The following IMMP2L variants were observed in gnomAD, a reference collection of about 807,000 sequenced individuals.
IMMP2L encodes mitochondrial inner membrane protease subunit 2.
Under a neutral mutation model 19.3 loss-of-function variants are expected in IMMP2L, and 18 were observed. The ratio of observed to expected loss-of-function variants is 0.93; its 90% confidence interval spans 0.64 to 1.38. The LOEUF is 1.38. Among genes scored for constraint, IMMP2L ranks in the 40% most tolerant of loss-of-function variants. The pLI, the probability that IMMP2L is intolerant of heterozygous loss-of-function variation, is 0.00. For synonymous variants in IMMP2L, 76 were observed against 73.0 expected, an observed-to-expected ratio of 1.04 and a Z score of -0.21; for missense variants, 233 against 218.2, an observed-to-expected ratio of 1.07 and a Z score of -0.43.
chr7:110,703,795 C>T (rs931773826), intron 5 of IMMP2L, among the ~76,000 whole-genome samples: 4 of 151,732 alleles, frequency 2.6e-5, no homozygotes, highest in South Asian at 2.1e-4. Flanking sequence ...CAAAATCTTA[C>T]GGAATTGTAA....
intron 4 of IMMP2L, among the ~76,000 whole-genome samples, chr7:110,915,015 T>C (rs1563077356): frequency 3.3e-5 from 5 of 150,550 alleles, no homozygotes; most frequent in Admixed American, 6.7e-5. Context: ...ACTGGTATTA[T>C]GGAGAACAGA....
intron 5 of IMMP2L, among the ~76,000 whole-genome samples, chr7:110,863,978 A>G (rs1807721078): frequency 6.6e-6 from 1 of 152,102 alleles, no homozygotes; most frequent in African/African-American, 2.4e-5. Flanking sequence ...AAGGATGCAT[A>G]ACATACTTAC....
intron 2 of IMMP2L, among the ~76,000 whole-genome samples, chr7:111,496,947 C>A (rs1255810997): frequency 1.3e-5 from 2 of 152,030 alleles, no homozygotes; most frequent in Non-Finnish European, 1.5e-5. Context: ...GATAAATATC[C>A]TATTCGTTCT....
At chr7:110,897,159 AT>A (rs1401364125) in intron 4 of IMMP2L, among the ~76,000 whole-genome samples, 3 of 152,186 alleles carry the variant, frequency 2.0e-5, no homozygotes. Context: ...ATGCTGTAAA[AT>A]AACATACGAA....
chr7:110,721,131 T>C (rs910314327), intron 5 of IMMP2L, among the ~76,000 whole-genome samples: 14 of 151,998 alleles, frequency 9.2e-5, no homozygotes, highest in Non-Finnish European at 1.3e-4. Context: ...TCTAGTATCA[T>C]CACTGAGAGT....
intron 3 of IMMP2L, among the ~76,000 whole-genome samples, chr7:111,399,503 C>T (rs1375315326): frequency 1.3e-5 from 2 of 151,928 alleles, no homozygotes; most frequent in Non-Finnish European, 1.5e-5. Flanking sequence ...TACAGGCATG[C>T]ACCACCATGC....
chr7:111,536,565 C>T (rs1023621286), intron 1 of IMMP2L, among the ~76,000 whole-genome samples: 11 of 152,104 alleles, frequency 7.2e-5, no homozygotes, highest in Non-Finnish European at 1.6e-4. Flanking sequence ...CCTCAGCCTC[C>T]GGAAGTGCTG....
chr7:111,177,451 G>T (rs147033862), intron 3 of IMMP2L, among the ~76,000 whole-genome samples: 84 of 152,164 alleles, frequency 5.5e-4, no homozygotes, highest in Admixed American at 4.4e-3. Flanking sequence ...AAAGTGTTAT[G>T]ATTACAGGCA....
At chr7:110,902,076 A>C (rs1478880374) in intron 4 of IMMP2L, among the ~76,000 whole-genome samples, 1 of 152,106 alleles carries the variant, frequency 6.6e-6, no homozygotes, top group Non-Finnish European at 1.5e-5. Context: ...GAATTCTATC[A>C]AGTCAACTCA....
At chr7:110,809,299 T>C (rs1801857162) in intron 5 of IMMP2L, among the ~76,000 whole-genome samples, 1 of 151,968 alleles carries the variant, frequency 6.6e-6, no homozygotes, top group African/African-American at 2.4e-5. Context: ...TAAAAACAAA[T>C]ACTCTTAGAC....
intron 5 of IMMP2L, among the ~76,000 whole-genome samples, chr7:110,688,174 G>C (rs1793249214): frequency 1.3e-5 from 2 of 151,904 alleles, no homozygotes. Flanking sequence ...CATGTGAATT[G>C]GACACAAACC....
At chr7:111,539,196 G>GAAGGAAGGAAGGAGAAAGAA (rs1848235484) in intron 1 of IMMP2L, among the ~76,000 whole-genome samples, 3 of 30,062 alleles carry the variant, frequency 1.0e-4, no homozygotes, top group African/African-American at 3.3e-4. Context: ...AGGAAGGAGG[G>GAAGGAAGGAAGGAGAAAGAA]AGAAAGAAAG....
At chr7:111,185,896 G>T (rs1020541751) in intron 3 of IMMP2L, among the ~76,000 whole-genome samples, 1 of 152,036 alleles carries the variant, frequency 6.6e-6, no homozygotes, top group Admixed American at 6.6e-5. Context: ...ACAGAAATCT[G>T]ATTTATTTTC....
intron 5 of IMMP2L, among the ~76,000 whole-genome samples, chr7:110,772,296 G>C (rs999408174): frequency 1.3e-5 from 2 of 152,148 alleles, no homozygotes; most frequent in African/African-American, 4.8e-5. Context: ...ACATCTGTGG[G>C]TAATGCCGAG....
intron 3 of IMMP2L, among the ~76,000 whole-genome samples, chr7:110,974,724 T>C (rs1173866056): frequency 6.6e-6 from 1 of 152,150 alleles, no homozygotes; most frequent in African/African-American, 2.4e-5. Flanking sequence ...CCAAGAAATG[T>C]TCCAGGTCTT....
chr7:111,125,263 C>T lies in IMMP2L; in HGVS notation c.240-161698G>A, dbSNP rs1326798448. 34 of 182,390 alleles carry T rather than the reference C, an allele frequency of 1.9e-4. No homozygotes were observed. In the Admixed American group the frequency reaches 2.0e-3, roughly 11 times the overall value. 11.3% of individuals were successfully genotyped at this position (182,390 alleles called of 1,614,324 possible). On this transcript the variant is annotated intron_variant, in intron 3 of 5. Coordinates refer to ENST00000405709, the MANE Select transcript of IMMP2L (RefSeq NM_032549.4). ...CAATACCTCCTCCTGTGTTGTATTA[C>T]ACATATTAGCCACGAGTTTTTGCAG...
chr7:111,441,305 T>C (rs2131790769), intron 3 of IMMP2L, among the ~76,000 whole-genome samples: 1 of 152,056 alleles, frequency 6.6e-6, no homozygotes, highest in South Asian at 2.1e-4. Flanking sequence ...TTTCTAGCTT[T>C]TGATTTAAAG....
chr7:110,884,813 A>T (rs1810045424), intron 5 of IMMP2L, among the ~76,000 whole-genome samples: 1 of 152,086 alleles, frequency 6.6e-6, no homozygotes, highest in African/African-American at 2.4e-5. Flanking sequence ...TTACTATTCA[A>T]AAGCAAGAGA....
intron 3 of IMMP2L, among the ~76,000 whole-genome samples, chr7:111,233,093 C>T (rs893357759): frequency 6.6e-5 from 10 of 152,140 alleles, no homozygotes; most frequent in Admixed American, 2.0e-4. Context: ...CTGAACCTAA[C>T]TCATCTTAGA....
Sources: gnomAD v4.1 joint callset for allele counts (sites outside exome capture counted in the v4.1 genomes callset) on GRCh38, gnomAD v4.1.1 for gene constraint, MANE v1.5 for transcripts, NCBI Gene and HGNC (gene_info 2026-07-23, HGNC 2026-07-21) for gene names.